WWTR1: variants seen among roughly 807,000 people sequenced by gnomAD.
WWTR1 encodes the protein WW domain containing transcription regulator 1.
In WWTR1, 13 loss-of-function variants were observed where a neutral mutation model predicts 40.1. The observed-to-expected ratio is 0.32, with a 90% CI of 0.21 to 0.52. The LOEUF (loss-of-function observed/expected upper bound fraction) is 0.52. Among genes scored for constraint, WWTR1 ranks in the 20% least tolerant of loss-of-function variants. The pLI, the probability that WWTR1 is intolerant of heterozygous loss-of-function variation, is 0.97. For synonymous variants in WWTR1, 230 were observed against 210.1 expected (o/e 1.09, Z -0.82); for missense variants, 436 against 523.1 (o/e 0.83, Z 1.63).
chr3:149,596,508 C>A (rs1388258027), intron 2 of WWTR1, among the ~76,000 whole-genome samples: 1 of 152,092 alleles, frequency 6.6e-6, no homozygotes, highest in Admixed American at 6.5e-5. Flanking sequence ...CTCTGTGGCT[C>A]GCTGACCTCA....
chr3:149,670,788 C>G (rs1224118619), intron 1 of WWTR1: 1 of 152,184 alleles, frequency 6.6e-6, no homozygotes, highest in Non-Finnish European at 1.5e-5. Context: ...CTTCCTCTCT[C>G]CAGTCACCGG....
At chr3:149,669,290 G>A (rs1218171252) in intron 2 of WWTR1, among the ~76,000 whole-genome samples, 2 of 152,088 alleles carry the variant, frequency 1.3e-5, no homozygotes, top group Non-Finnish European at 2.9e-5. Flanking sequence ...ATCTTACCAA[G>A]GAAAATCCCA....
intron 3 of WWTR1, among the ~76,000 whole-genome samples, chr3:149,553,073 G>A (rs1736679061): frequency 1.3e-5 from 2 of 152,172 alleles, no homozygotes; most frequent in Non-Finnish European, 2.9e-5. Flanking sequence ...TTCTAGCATG[G>A]GACTTTGGGA....
chr3:149,648,892 T>C (rs565286598), intron 2 of WWTR1: 1 of 152,384 alleles, frequency 6.6e-6, no homozygotes, highest in East Asian at 1.9e-4. Context: ...CCAGATTCTG[T>C]CAGCTGCCTG....
upstream of WWTR1, among the ~76,000 whole-genome samples, chr3:149,707,228 A>G (rs963658925): frequency 5.3e-5 from 8 of 152,216 alleles, no homozygotes; most frequent in Non-Finnish European, 2.9e-5. Context: ...CTTCACTAGC[A>G]CATGCAGTGT....
chr3:149,700,909 G>T (rs956535511), intron 1 of WWTR1, among the ~76,000 whole-genome samples: 5 of 152,184 alleles, frequency 3.3e-5, no homozygotes, highest in Admixed American at 2.0e-4. Context: ...CAACTGGTTA[G>T]CACCAACACC....
At chr3:149,637,080 C>CT (rs1711866290) in intron 2 of WWTR1, among the ~76,000 whole-genome samples, 2 of 151,494 alleles carry the variant, frequency 1.3e-5, no homozygotes, top group Non-Finnish European at 2.9e-5. Context: ...CAAGTACTCT[C>CT]TATCACAGCA....
chr3:149,599,138 C>T (rs1739132648), intron 2 of WWTR1, among the ~76,000 whole-genome samples: 1 of 152,180 alleles, frequency 6.6e-6, no homozygotes. Context: ...GAAAGTATCA[C>T]TCTGCATAGT....
At chr3:149,585,812 A>T (rs1738394395) in intron 2 of WWTR1, among the ~76,000 whole-genome samples, 3 of 152,244 alleles carry the variant, frequency 2.0e-5, no homozygotes, top group Admixed American at 2.0e-4. Context: ...GAAATGCTCA[A>T]GAAGTTTTAA....
At chr3:149,678,069 CCAGTTGATGTTATATTCA>C (rs1322971551) in intron 1 of WWTR1, among the ~76,000 whole-genome samples, 1 of 152,156 alleles carries the variant, frequency 6.6e-6, no homozygotes, top group African/African-American at 2.4e-5. Flanking sequence ...CCACACCCAG[CCAGTTGATGTTATATTCA>C]CAGTTGATGT....
intron 4 of WWTR1, among the ~76,000 whole-genome samples, chr3:149,721,463 T>C (rs1421647041): frequency 6.6e-6 from 1 of 152,226 alleles, no homozygotes; most frequent in Non-Finnish European, 1.5e-5. Flanking sequence ...CACTTAGCCA[T>C]AGCGTATAAT....
rs1739993591 is a variant in WWTR1 at position 149,616,750 on chromosome 3, T to A, written c.431+40126A>T. Among the ~76,000 whole-genome samples, 2 of 152,156 alleles carry A rather than the reference T, an allele frequency of 1.3e-5. 1 individual carries two copies. Among genetic ancestry groups the A allele is most frequent in the South Asian group, 4.1e-4 (2 of 4,826 alleles). On this transcript the variant is annotated intron_variant, in intron 2 of 6. Transcript: ENST00000360632. Reference sequence around the variant, plus strand: ...AGCCATTGCACCTGGCCTGCTGTCCTCTCTTTTAATAAATTTCTTTCATTC... The same window carrying A: ...AGCCATTGCACCTGGCCTGCTGTCCACTCTTTTAATAAATTTCTTTCATTC...
chr3:149,664,402 G>A (rs548817337), intron 2 of WWTR1, among the ~76,000 whole-genome samples: 28 of 152,292 alleles, frequency 1.8e-4, no homozygotes, highest in African/African-American at 6.3e-4. Flanking sequence ...CATATCCCAA[G>A]TGTTTAACAC....
intron 2 of WWTR1, among the ~76,000 whole-genome samples, chr3:149,614,620 C>T (rs1252721289): frequency 6.6e-6 from 1 of 152,170 alleles, no homozygotes; most frequent in Non-Finnish European, 1.5e-5. Context: ...CCTCCAAAAT[C>T]ATTAAGGCTC....
intron 2 of WWTR1, among the ~76,000 whole-genome samples, chr3:149,663,695 TA>T (rs943066726): frequency 7.4e-4 from 112 of 151,806 alleles, no homozygotes; most frequent in African/African-American, 2.4e-3. Context: ...GACTCCATCT[TA>T]AAAAAAAATT....
At chr3:149,521,835 AG>A (rs1433659933) in intron 6 of WWTR1, among the ~76,000 whole-genome samples, 2 of 152,202 alleles carry the variant, frequency 1.3e-5, no homozygotes, top group Non-Finnish European at 2.9e-5. Context: ...GTGTAAGCTT[AG>A]ACACACTTAA....
chr3:149,624,621 A>G (rs777940779), intron 2 of WWTR1, among the ~76,000 whole-genome samples: 9 of 152,226 alleles, frequency 5.9e-5, no homozygotes, highest in Non-Finnish European at 1.2e-4. Context: ...GCATCCTTCT[A>G]AAATAACATT....
intron 2 of WWTR1, among the ~76,000 whole-genome samples, chr3:149,584,784 G>T (rs917321865): frequency 1.3e-5 from 2 of 152,164 alleles, no homozygotes; most frequent in Admixed American, 6.5e-5. Context: ...CTGACTAAGA[G>T]ACTACTGTAA....
At position 149,610,265 on chromosome 3, in the gene WWTR1, T is replaced by C. The variant is rs16862025; in HGVS notation, c.432-37265A>G. ...GTACCAAATTCATACCTGCTCAGTG[T>C]TGCAAAATGATTTTAAAATGTAATG... On this transcript the variant is annotated intron_variant, in intron 2 of 6. Transcript: ENST00000360632. Among the ~76,000 whole-genome samples, 646 of 152,344 alleles carry C rather than the reference T, an allele frequency of 4.2e-3. 3 individuals are homozygous for C. Among genetic ancestry groups the C allele is most frequent in the African/African-American group, 0.015 (611 of 41,574 alleles).
Sources: gnomAD v4.1 joint callset for allele counts (sites outside exome capture counted in the v4.1 genomes callset) on GRCh38, gnomAD v4.1.1 for gene constraint, MANE v1.5 for transcripts, NCBI Gene and HGNC (gene_info 2026-07-23, HGNC 2026-07-21) for gene names.